Variants in CADPS2 observed in about 807,000 individuals in gnomAD.
The protein encoded by CADPS2 is calcium dependent secretion activator 2, also known as calcium-dependent secretion activator 2.
Under a neutral mutation model 172.5 loss-of-function variants are expected in CADPS2, and 93 were observed. The ratio of observed to expected loss-of-function variants is 0.54; its 90% CI spans 0.46 to 0.64. The LOEUF (loss-of-function observed/expected upper bound fraction) is 0.64, where lower values mean the gene tolerates loss of function less well. Ranked by LOEUF, CADPS2 falls within the 30% of genes least tolerant of loss-of-function variation. The pLI is 0.00. For missense variants in CADPS2, 1,420 were observed against 1,565.9 expected (o/e 0.91, Z 1.57); for synonymous variants, 546 against 555.2 (o/e 0.98, Z 0.23).
chr7:122,543,562 T>A (rs2063316071), intron 8 of CADPS2, among the ~76,000 whole-genome samples: 1 of 152,034 alleles, frequency 6.6e-6, no homozygotes, highest in Non-Finnish European at 1.5e-5. Flanking sequence ...TGGTGAACAA[T>A]AAGGTCCAGC....
rs544837802 is a variant in CADPS2 at position 122,742,228 on chromosome 7, T to TAA, written c.340-5162_340-5161dup. Reference sequence around the variant, plus strand: ...CAACGTGGTGAAACCCCGTCTCTACTAAAAAAAAATACAAAAATTAGCCGG... The same window carrying TAA: ...CAACGTGGTGAAACCCCGTCTCTACTAAAAAAAAAAATACAAAAATTAGCCGG... On this transcript the variant is annotated intron_variant, in intron 1 of 29. Coordinates refer to ENST00000449022, the MANE Select transcript of CADPS2 (RefSeq NM_017954.11). Among the ~76,000 whole-genome samples, 189 of 150,154 alleles carry TAA rather than the reference T, an allele frequency of 1.3e-3. 1 individual carries two copies. Among genetic ancestry groups the TAA allele is most frequent in the Non-Finnish European group, 2.3e-3 (154 of 67,424 alleles).
At chr7:122,706,040 ATTC>A (rs1409156225) in intron 2 of CADPS2, among the ~76,000 whole-genome samples, 1 of 102,088 alleles carries the variant, frequency 9.8e-6, no homozygotes, top group Non-Finnish European at 1.8e-5. Flanking sequence ...TATATTATAT[ATTC>A]AAGGATTTAT....
chr7:122,349,168 A>G (rs2038151722), intron 27 of CADPS2, among the ~76,000 whole-genome samples: 1 of 152,146 alleles, frequency 6.6e-6, no homozygotes, highest in East Asian at 1.9e-4. Context: ...ATACAAATGC[A>G]TGACTACCAA....
intron 1 of CADPS2, among the ~76,000 whole-genome samples, chr7:122,740,182 A>C (rs1240677289): frequency 6.6e-6 from 1 of 152,198 alleles, no homozygotes; most frequent in Non-Finnish European, 1.5e-5. Context: ...GGTTTCTTAC[A>C]AATTAATACA....
chr7:122,524,958 G>A (rs907536404), intron 8 of CADPS2, among the ~76,000 whole-genome samples: 37 of 152,058 alleles, frequency 2.4e-4, no homozygotes, highest in African/African-American at 8.0e-4. Context: ...GACCAGCCTG[G>A]GCAACATGGC....
At chr7:122,754,523 C>G (rs1206763758) in intron 1 of CADPS2, among the ~76,000 whole-genome samples, 1 of 152,214 alleles carries the variant, frequency 6.6e-6, no homozygotes, top group Middle Eastern at 3.4e-3. Context: ...ATCACCCAGA[C>G]TGGGGTACAA....
At chr7:122,423,025 C>CCAGG (rs775059290) in intron 17 of CADPS2, among the ~76,000 whole-genome samples, 65 of 152,178 alleles carry the variant, frequency 4.3e-4, no homozygotes, top group Non-Finnish European at 8.7e-4. Flanking sequence ...CCTTAGCTAG[C>CCAGG]CAGGGAATTT....
At chr7:122,725,021 T>G (rs1016978637) in intron 2 of CADPS2, among the ~76,000 whole-genome samples, 3 of 152,060 alleles carry the variant, frequency 2.0e-5, no homozygotes, top group East Asian at 3.9e-4. Context: ...TTAACAAAGT[T>G]TAAAAAGGGA....
intron 3 of CADPS2, among the ~76,000 whole-genome samples, chr7:122,634,796 A>T (rs547937715): frequency 5.3e-5 from 8 of 152,146 alleles, no homozygotes; most frequent in Admixed American, 6.6e-5. Flanking sequence ...TTAGCACTGT[A>T]AACTTTCCTT....
In CADPS2 at chr7:122,477,520, CCA is replaced by C. The variant is rs796835433; in HGVS notation, c.1862-3005_1862-3004del. On this transcript the variant is annotated intron_variant, in intron 12 of 29. Transcript: ENST00000449022. ...TACAGAGTGAGACTCCATTCCCATC[CCA>C]CCCGCCACCCCCGACCCCACCAAAA... Among the ~76,000 whole-genome samples, 447 of 150,710 alleles carry C rather than the reference CCA, an allele frequency of 3.0e-3. 6 individuals are homozygous for C. The highest frequency in any genetic ancestry group is 0.014 in the Middle Eastern group (4 of 292).
In CADPS2 at chr7:122,876,918, T is replaced by C. The variant is rs569781117; in HGVS notation, c.339+9081A>G. ...AACTTCATGTATCAGATGATTTACA[T>C]ACCAAAAACAAAACAAAAAAACTAT... On this transcript the variant is annotated intron_variant, in intron 1 of 29. Coordinates refer to ENST00000449022, the MANE Select transcript of CADPS2 (RefSeq NM_017954.11). Among the ~76,000 whole-genome samples, 90 of 152,196 alleles carry C rather than the reference T, an allele frequency of 5.9e-4. No homozygotes were observed. In the South Asian group the frequency reaches 0.011, roughly 18 times the overall value.
intron 15 of CADPS2, among the ~76,000 whole-genome samples, chr7:122,443,360 C>A (rs1404928478): frequency 6.6e-6 from 1 of 152,128 alleles, no homozygotes; most frequent in Non-Finnish European, 1.5e-5. Flanking sequence ...TTTTGTTCTG[C>A]CTTTCAGGCT....
intron 14 of CADPS2, among the ~76,000 whole-genome samples, chr7:122,462,170 A>G (rs2054534757): frequency 6.6e-6 from 1 of 152,232 alleles, no homozygotes; most frequent in South Asian, 2.1e-4. Context: ...TTAATTTATA[A>G]GCTTAGGAAA....
At chr7:122,693,674 G>C (rs1265645154) in intron 2 of CADPS2, among the ~76,000 whole-genome samples, 4 of 152,216 alleles carry the variant, frequency 2.6e-5, no homozygotes, top group African/African-American at 4.8e-5. Context: ...GGGAGTAAGA[G>C]GCTGGGCGTA....
chr7:122,509,821 A>C (rs775196894), intron 9 of CADPS2, among the ~76,000 whole-genome samples: 5 of 152,242 alleles, frequency 3.3e-5, no homozygotes, highest in Middle Eastern at 3.4e-3. Flanking sequence ...TCACGGGCTT[A>C]TTCTGATAAG....
intron 25 of CADPS2, among the ~76,000 whole-genome samples, chr7:122,377,758 C>T (rs1859351): frequency 0.11 from 16,860 of 152,008 alleles, 1,200 homozygotes; most frequent in Non-Finnish European, 0.15. Context: ...ATTTTTTTCT[C>T]TATCTATCCA....
chr7:122,369,135 C>A (rs1410830863), intron 25 of CADPS2, among the ~76,000 whole-genome samples: 6 of 94,902 alleles, frequency 6.3e-5, no homozygotes, highest in Non-Finnish European at 9.9e-5. Context: ...TTTCCCCCCC[C>A]CCCCCCCTTT....
At position 122,364,247 on chromosome 7, in the gene CADPS2, CA is replaced by C. The variant is rs889311915; in HGVS notation, c.3388-3235del. Among the ~76,000 whole-genome samples, 7 of 149,744 alleles carry C rather than the reference CA, an allele frequency of 4.7e-5. No individual in the cohort carries two copies. The East Asian group carries it at 1.2e-3, about 25-fold the overall frequency. ...ACAACATAGCAAGATCCTGTCTCTA[CA>C]AAAAAAAATTAAAAAAATTGGCTGG... is the stretch of plus-strand genomic sequence containing the variant. On this transcript the variant is annotated intron_variant, in intron 25 of 29. Transcript: ENST00000449022.
At chr7:122,481,495 C>T (rs1373452233) in intron 11 of CADPS2, among the ~76,000 whole-genome samples, 1 of 152,002 alleles carries the variant, frequency 6.6e-6, no homozygotes, top group Non-Finnish European at 1.5e-5. Flanking sequence ...AATCCCAGCA[C>T]TTCGGGAGCT....
Sources: gnomAD v4.1 joint callset for allele counts (sites outside exome capture counted in the v4.1 genomes callset) on GRCh38, gnomAD v4.1.1 for gene constraint, MANE v1.5 for transcripts, NCBI Gene and HGNC (gene_info 2026-07-23, HGNC 2026-07-21) for gene names.